Variants in ASTN2 observed in about 807,000 individuals in gnomAD.
ASTN2 encodes astrotactin 2, also known as astrotactin-2.
A neutral mutation model predicts 139.8 loss-of-function variants in ASTN2; 54 were observed. The observed-to-expected ratio is 0.39, with a 90% CI of 0.31 to 0.48. The LOEUF (loss-of-function observed/expected upper bound fraction) is 0.48, where lower values mean the gene tolerates loss of function less well. Among genes scored for constraint, ASTN2 ranks in the 20% least tolerant of loss-of-function variants. The pLI, the probability that ASTN2 is intolerant of heterozygous loss-of-function variation, is 0.95. For missense variants in ASTN2, 1,565 were observed against 1,725.1 expected, an observed-to-expected ratio of 0.91 and a Z score of 1.64; for synonymous variants, 756 against 719.5, an observed-to-expected ratio of 1.05 and a Z score of -0.81.
chr9:116,727,622 C>T (rs1412387641), intron 15 of ASTN2, among the ~76,000 whole-genome samples: 1 of 152,028 alleles, frequency 6.6e-6, no homozygotes, highest in Non-Finnish European at 1.5e-5. Flanking sequence ...GTAATTAATA[C>T]AGTAGTGTTA....
chr9:116,683,484 T>G (rs1206710864), intron 16 of ASTN2, among the ~76,000 whole-genome samples: 2 of 152,234 alleles, frequency 1.3e-5, no homozygotes, highest in African/African-American at 4.8e-5. Context: ...TTTGTCTTGC[T>G]TTTGTCCTTT....
chr9:117,088,637 A>G (rs1365036871), intron 5 of ASTN2, among the ~76,000 whole-genome samples: 2 of 152,234 alleles, frequency 1.3e-5, no homozygotes, highest in Non-Finnish European at 2.9e-5. Context: ...GAATTGCCAA[A>G]TTAAAACAAG....
chr9:116,506,598 T>A (rs906860151), intron 19 of ASTN2, among the ~76,000 whole-genome samples: 1 of 152,012 alleles, frequency 6.6e-6, no homozygotes, highest in Non-Finnish European at 1.5e-5. Context: ...GACCAGCCAC[T>A]AGCAGCCAAA....
intron 3 of ASTN2, among the ~76,000 whole-genome samples, chr9:117,151,233 T>A (rs565973777): frequency 8.5e-5 from 13 of 152,204 alleles, no homozygotes; most frequent in African/African-American, 3.1e-4. Flanking sequence ...AAATCCAGAT[T>A]TTCTGCTCAG....
chr9:116,655,148 C>T (rs1399027082), intron 16 of ASTN2, among the ~76,000 whole-genome samples: 4 of 152,212 alleles, frequency 2.6e-5, no homozygotes, highest in African/African-American at 9.6e-5. Context: ...GTCTCACACA[C>T]TTGTATTAAC....
chr9:117,321,602 A>T (rs1224753471), intron 1 of ASTN2, among the ~76,000 whole-genome samples: 1 of 152,168 alleles, frequency 6.6e-6, no homozygotes, highest in African/African-American at 2.4e-5. Context: ...CCAAGACAGG[A>T]GGGGTCACCA....
intron 5 of ASTN2, among the ~76,000 whole-genome samples, chr9:117,092,261 A>T (rs919633002): frequency 6.6e-6 from 1 of 151,996 alleles, no homozygotes; most frequent in Non-Finnish European, 1.5e-5. Context: ...TCAGTTCAAT[A>T]ACTTTGTCTT....
intron 10 of ASTN2, among the ~76,000 whole-genome samples, chr9:116,918,304 G>T (rs1834509640): frequency 6.6e-6 from 1 of 152,190 alleles, no homozygotes; most frequent in South Asian, 2.1e-4. Flanking sequence ...AACAGGGAGG[G>T]CTTTCTGCAG....
chr9:117,125,060 T>C (rs957125723), intron 4 of ASTN2, among the ~76,000 whole-genome samples: 1 of 152,238 alleles, frequency 6.6e-6, no homozygotes, highest in East Asian at 1.9e-4. Flanking sequence ...AAATGGCACA[T>C]GAATATTTCA....
intron 13 of ASTN2, among the ~76,000 whole-genome samples, chr9:116,747,718 C>G (rs1237219673): frequency 6.6e-6 from 1 of 150,720 alleles, no homozygotes; most frequent in African/African-American, 2.4e-5. Flanking sequence ...CACACACACA[C>G]ACACACACAC....
At chr9:116,812,396 C>T (rs1434287625) in intron 12 of ASTN2, among the ~76,000 whole-genome samples, 1 of 152,126 alleles carries the variant, frequency 6.6e-6, no homozygotes, top group Non-Finnish European at 1.5e-5. Context: ...GGAGGAAATG[C>T]AACTTAGAAG....
chr9:116,859,406 A>G (rs1228733352), intron 11 of ASTN2, among the ~76,000 whole-genome samples: 2 of 152,222 alleles, frequency 1.3e-5, no homozygotes, highest in Non-Finnish European at 2.9e-5. Flanking sequence ...CAGAAAGCTG[A>G]GCAAAAATAT....
At chr9:116,926,650 A>G (rs1834763509) in intron 10 of ASTN2, among the ~76,000 whole-genome samples, 1 of 152,190 alleles carries the variant, frequency 6.6e-6, no homozygotes, top group African/African-American at 2.4e-5. Flanking sequence ...GCACTATCTT[A>G]TGGACCTTAT....
chr9:116,521,424 T>G (rs1587930923), intron 19 of ASTN2, among the ~76,000 whole-genome samples: 2 of 152,174 alleles, frequency 1.3e-5, no homozygotes, highest in South Asian at 2.1e-4. Context: ...TAAATGGTGC[T>G]GGGATATTGG....
chr9:117,378,916 T>A (rs1279992881), intron 1 of ASTN2, among the ~76,000 whole-genome samples: 1 of 152,134 alleles, frequency 6.6e-6, no homozygotes, highest in East Asian at 1.9e-4. Flanking sequence ...CTTGGTGCTG[T>A]TCTAGGGATA....
rs141880023 is a variant in ASTN2, at chr9:116,784,798, G to A, written c.2396+20834C>T. 1.6e-3 allele frequency among the ~76,000 whole-genome samples: 249 copies of A among 152,044 alleles called. 1 individual carries two copies. The highest frequency in any genetic ancestry group is 5.8e-3 in the African/African-American group (240 of 41,506). On this transcript the variant is annotated intron_variant, in intron 13 of 22. Coordinates refer to ENST00000313400, the MANE Select transcript of ASTN2 (RefSeq NM_001365068.1). ...TACAAAAGTAGACAGGCGTGGTGCC[G>A]CATGCCTGTGATCCCAGTTACTCGG...
chr9:117,386,301 T>A (rs1483714018), intron 1 of ASTN2, among the ~76,000 whole-genome samples: 1 of 152,090 alleles, frequency 6.6e-6, no homozygotes, highest in African/African-American at 2.4e-5. Context: ...TGGAGAGAAC[T>A]GGAAATGCAC....
intron 1 of ASTN2, among the ~76,000 whole-genome samples, chr9:117,396,289 T>G (rs185053514): frequency 9.3e-4 from 142 of 152,302 alleles, no homozygotes; most frequent in African/African-American, 3.0e-3. Flanking sequence ...TTCTTTCCAC[T>G]GACTGCCAGA....
intron 4 of ASTN2, among the ~76,000 whole-genome samples, chr9:117,138,644 C>T (rs947328444): frequency 6.6e-6 from 1 of 152,058 alleles, no homozygotes; most frequent in African/African-American, 2.4e-5. Context: ...AGACTGAATG[C>T]AAGGAGAGTA....
Sources: allele counts gnomAD v4.1 joint callset (sites outside exome capture counted in the v4.1 genomes callset), GRCh38; gene constraint gnomAD v4.1.1; transcripts MANE v1.5; gene names NCBI Gene and HGNC (gene_info 2026-07-23, HGNC 2026-07-21).